The following PDE3B variants were observed in gnomAD, a reference collection of about 807,000 sequenced individuals.
PDE3B encodes the protein cGMP-inhibited 3',5'-cyclic phosphodiesterase 3B.
In PDE3B, 66 loss-of-function variants were observed where a neutral mutation model predicts 116.8. The ratio of observed to expected loss-of-function variants is 0.56; its 90% CI spans 0.46 to 0.69. The LOEUF is 0.69. PDE3B is among the 30% of genes least tolerant of loss of function. The pLI, the probability that PDE3B is intolerant of heterozygous loss-of-function variation, is 0.00. For missense variants in PDE3B, 1,384 were observed against 1,368.1 expected (o/e 1.01, Z -0.18); for synonymous variants, 595 against 533.6 (o/e 1.12, Z -1.59).
chr11:14,686,490 G>A (rs1419122113), intron 1 of PDE3B, among the ~76,000 whole-genome samples: 1 of 152,114 alleles, frequency 6.6e-6, no homozygotes, highest in African/African-American at 2.4e-5. Flanking sequence ...AGACGCAGAG[G>A]AAAGTTTTTC....
the PDE3B span, among the ~76,000 whole-genome samples, chr11:14,884,588 G>A: frequency 2.0e-5 from 3 of 150,270 alleles, no homozygotes; most frequent in African/African-American, 4.9e-5. Context: ...GCTAAATGAC[G>A]AGTTAATGGG....
Position 14,861,303 on chromosome 11 carries a change from A to G in PDE3B, c.2823A>G (p.Pro941=). 2.5e-6 allele frequency: 4 copies of G among 1,614,008 alleles called. No homozygotes were observed. Among genetic ancestry groups the G allele is most frequent in the Non-Finnish European group, 3.4e-6 (4 of 1,179,894 alleles). Reference sequence around the variant, plus strand: ...TCAAACTGGCAGATATAAATGGCCCAGCAAAAGTTCGAGACTTGCATTTGA... The same window carrying G: ...TCAAACTGGCAGATATAAATGGCCCGGCAAAAGTTCGAGACTTGCATTTGA... ...VCIKLADING[P]AKVRDLHLKW... is the part of the protein sequence containing the mutation. The change falls in exon 14 of 16, where the codon CCA becomes CCG. Residue 941 remains proline (P), a synonymous_variant. Transcript: ENST00000282096.
intron 11 of PDE3B, among the ~76,000 whole-genome samples, chr11:14,837,719 C>G (rs11023349): frequency 6.6e-6 from 1 of 152,286 alleles, no homozygotes; most frequent in East Asian, 1.9e-4. Context: ...GTTATGAGTT[C>G]TCATACATAG....
At chr11:14,735,319 A>G (rs970363590) in intron 1 of PDE3B, among the ~76,000 whole-genome samples, 1 of 152,176 alleles carries the variant, frequency 6.6e-6, no homozygotes, top group African/African-American at 2.4e-5. Context: ...GAGAAATAAA[A>G]CCTTTGAATC....
intron 5 of PDE3B, among the ~76,000 whole-genome samples, chr11:14,808,928 A>G (rs578018750): frequency 3.3e-5 from 5 of 152,324 alleles, no homozygotes; most frequent in Admixed American, 6.5e-5. Flanking sequence ...TAAGATGGCA[A>G]TATTCTTTGA....
the PDE3B span, chr11:14,878,328 T>C: frequency 1.2e-6 from 2 of 1,605,402 alleles, no homozygotes; most frequent in Non-Finnish European, 8.5e-7. Context: ...CAATAATTTT[T>C]TAAACCCACA....
At chr11:14,792,580 G>A (rs992207164) in intron 4 of PDE3B, among the ~76,000 whole-genome samples, 5 of 152,042 alleles carry the variant, frequency 3.3e-5, no homozygotes, top group Non-Finnish European at 7.4e-5. Flanking sequence ...ATTGAACAGC[G>A]ACCCTGTTCT....
intron 1 of PDE3B, among the ~76,000 whole-genome samples, chr11:14,683,257 T>C (rs1854766953): frequency 6.6e-6 from 1 of 152,190 alleles, no homozygotes; most frequent in Non-Finnish European, 1.5e-5. Flanking sequence ...TTTCTTTTAA[T>C]GTTGGGTTGA....
intron 1 of PDE3B, among the ~76,000 whole-genome samples, chr11:14,648,070 A>C (rs531669025): frequency 6.6e-6 from 1 of 152,094 alleles, no homozygotes; most frequent in East Asian, 1.9e-4. Context: ...ACTAATAGGA[A>C]GTTTAAAAAA....
intron 1 of PDE3B, among the ~76,000 whole-genome samples, chr11:14,664,209 T>G (rs1474838165): frequency 2.6e-5 from 4 of 152,202 alleles, no homozygotes; most frequent in Non-Finnish European, 5.9e-5. Context: ...AGATGTTCTT[T>G]GAAACCAACG....
chr11:14,729,738 A>G (rs1666554487), intron 1 of PDE3B, among the ~76,000 whole-genome samples: 1 of 152,210 alleles, frequency 6.6e-6, no homozygotes, highest in African/African-American at 2.4e-5. Context: ...ATATAAACAA[A>G]TTTTGAGTAT....
the PDE3B span, among the ~76,000 whole-genome samples, chr11:14,894,160 C>G: frequency 1.3e-5 from 2 of 152,192 alleles, no homozygotes; most frequent in Non-Finnish European, 2.9e-5. Context: ...CACAGAATAT[C>G]TACCTACTGC....
At chr11:14,736,425 C>G (rs1856603978) in intron 1 of PDE3B, among the ~76,000 whole-genome samples, 1 of 152,126 alleles carries the variant, frequency 6.6e-6, no homozygotes, top group Non-Finnish European at 1.5e-5. Flanking sequence ...AAGAAAACCT[C>G]TTTGGTACAT....
chr11:14,750,969 T>G (rs1857043796), intron 1 of PDE3B, among the ~76,000 whole-genome samples: 1 of 152,166 alleles, frequency 6.6e-6, no homozygotes. Flanking sequence ...ACTCTGTTAG[T>G]GTGTTCCCTG....
chr11:14,890,526 C>T, the PDE3B span: 5 of 314,650 alleles, frequency 1.6e-5, no homozygotes, highest in Non-Finnish European at 2.2e-5. Flanking sequence ...TTCTAGAAAC[C>T]TAGACCAATT....
At chr11:14,729,060 T>A (rs895681298) in intron 1 of PDE3B, among the ~76,000 whole-genome samples, 1 of 152,196 alleles carries the variant, frequency 6.6e-6, no homozygotes, top group African/African-American at 2.4e-5. Context: ...TAGCAGTCCC[T>A]GAGTTAGAGA....
intron 1 of PDE3B, among the ~76,000 whole-genome samples, chr11:14,716,044 C>G (rs934207809): frequency 1.3e-5 from 2 of 152,034 alleles, no homozygotes; most frequent in African/African-American, 4.8e-5. Context: ...AGACAGTGGG[C>G]GCAGGCCAGT....
chr11:14,718,760 G>T (rs1218062610), intron 1 of PDE3B, among the ~76,000 whole-genome samples: 2 of 145,842 alleles, frequency 1.4e-5, no homozygotes, highest in South Asian at 2.4e-4. Context: ...TCTCTGGGAC[G>T]CATTCAAAGC....
chr11:14,670,986 T>C (rs1854348146), intron 1 of PDE3B, among the ~76,000 whole-genome samples: 1 of 152,048 alleles, frequency 6.6e-6, no homozygotes, highest in Non-Finnish European at 1.5e-5. Context: ...GTACTACAAG[T>C]GCACACCACC....
Sources: allele counts gnomAD v4.1 joint callset (sites outside exome capture counted in the v4.1 genomes callset), GRCh38; gene constraint gnomAD v4.1.1; transcripts MANE v1.5; gene names NCBI Gene and HGNC (gene_info 2026-07-23, HGNC 2026-07-21).